The following PSG6 variants were observed in gnomAD, a reference collection of about 807,000 sequenced individuals.
PSG6 encodes pregnancy-specific beta-1-glycoprotein 6.
Under a neutral mutation model 43.3 loss-of-function variants are expected in PSG6, and 51 were observed. That is an observed-to-expected ratio of 1.18 (90% confidence interval 0.94 to 1.49). The LOEUF is 1.49. PSG6 is among the 40% of genes most tolerant of loss of function. PSG6 has a pLI of 0.00. For missense variants in PSG6, 770 were observed against 522.2 expected (o/e 1.47, Z -4.62); for synonymous variants, 292 against 197.6 (o/e 1.48, Z -4.01).
Position 42,907,064 on chromosome 19 carries a change from T to A in PSG6, c.1098A>T (p.Thr366=). 6.2e-7 allele frequency: 1 copy of A among 1,612,658 alleles called. No homozygotes were observed. The highest frequency in any genetic ancestry group is 8.5e-7 in the Non-Finnish European group (1 of 1,179,230). The stretch of plus-strand genomic sequence containing the variant: ...CTGATAGCTGAAACTTCCCATTAAT[T>A]GTCCAAGAATACTCTGCCGGTGGGT... ...DSNPPAEYSW[T]INGKFQLSGQ... The change falls in exon 5 of 6, where the codon ACA becomes ACT. Residue 366 remains threonine, a synonymous_variant. Coordinates refer to ENST00000187910, the MANE Select transcript of PSG6 (RefSeq NM_001031850.4).
intron 5 of PSG6, 160 bp downstream of exon 5, chr19:42,906,762 G>A (rs146973505): frequency 2.2e-5 from 35 of 1,579,598 alleles, no homozygotes; most frequent in Non-Finnish European, 2.8e-5. Flanking sequence ...GCAGAAGAGA[G>A]TCTGTAGAGA....
At chr19:42,912,220 C>G (rs147244293) in intron 2 of PSG6, among the ~76,000 whole-genome samples, 1 of 151,336 alleles carries the variant, frequency 6.6e-6, no homozygotes, top group Non-Finnish European at 1.5e-5. Context: ...TCTGGATTTC[C>G]GATGCTCAAT....
intron 2 of PSG6, among the ~76,000 whole-genome samples, chr19:42,913,793 C>T (rs995588724): frequency 2.2e-4 from 33 of 151,730 alleles, no homozygotes; most frequent in African/African-American, 6.3e-4. Flanking sequence ...AGTCATGTGG[C>T]CCCTACCTAG....
At chr19:42,910,952 G>A in intron 2 of PSG6, 94 bp from the exon 3 acceptor site, 1 of 1,522,276 alleles carries the variant, frequency 6.6e-7, no homozygotes, top group Non-Finnish European at 8.8e-7. Context: ...CAACCTCTCA[G>A]CCCACCCAAG....
At position 42,902,398 on chromosome 19, in the gene PSG6, T is replaced by C. The variant is rs770870275; in HGVS notation, c.*14A>G. 10 of 1,610,618 alleles carry C rather than the reference T, an allele frequency of 6.2e-6. 1 individual carries two copies. In the East Asian group the frequency reaches 1.8e-4, roughly 29 times the overall value. On this transcript the variant is annotated 3_prime_UTR_variant, in exon 6 of 6. Transcript: ENST00000187910. ...AACCTGTTCTTTTTCTCAGTGTCTCTATTGTGGCAGCCATTAATGAGACTC... is the reference window on the plus strand; with the variant it reads ...AACCTGTTCTTTTTCTCAGTGTCTCCATTGTGGCAGCCATTAATGAGACTC...
At chr19:42,916,052 T>A (rs1972319115) in intron 2 of PSG6, 73 bp downstream of exon 2, 4 of 1,589,816 alleles carry the variant, frequency 2.5e-6, no homozygotes, top group Non-Finnish European at 3.4e-6. Context: ...AGTCCAGGCC[T>A]GACAATTCTG....
chr19:42,917,750 A>C lies in PSG6; in HGVS notation c.43T>G (p.Trp15Gly). ...TCACCTGTGAGCAGGAGCCCCTTCC[A>C]GGTGATGTGCTGAGTGCAGGGAGGG... ...SAPPCTQHIT[W>G]KGLLLTASLL... The change falls in exon 1 of 6, where the codon TGG (tryptophan) becomes GGG (glycine). Residue 15 changes from tryptophan to glycine, a missense_variant. By Grantham distance (184) the Trp-to-Gly change is radical. Transcript: ENST00000187910. 6.2e-7 allele frequency: 1 copy of C among 1,610,022 alleles called. No individual in the cohort carries two copies. The highest frequency in any genetic ancestry group is 8.5e-7 in the Non-Finnish European group (1 of 1,177,816).
intron 2 of PSG6, among the ~76,000 whole-genome samples, chr19:42,914,697 T>C (rs1485833045): frequency 1.3e-5 from 2 of 151,638 alleles, no homozygotes; most frequent in African/African-American, 4.8e-5. Context: ...GATTCCAAGA[T>C]CCAGTCTCTA....
chr19:42,915,201 G>C (rs910973705), intron 2 of PSG6: 1 of 151,384 alleles, frequency 6.6e-6, no homozygotes, highest in Non-Finnish European at 1.5e-5. Flanking sequence ...GTGCCTTCCT[G>C]TGCCTCAGTT....
In PSG6 at chr19:42,911,076, A is replaced by G. The variant is rs532436938; in HGVS notation, c.428-218T>C. Among the ~76,000 whole-genome samples, 119 of 151,616 alleles carry G rather than the reference A, an allele frequency of 7.8e-4. 3 individuals carry two copies. The highest frequency in any genetic ancestry group is 1.7e-3 in the South Asian group (8 of 4,702). ...GTAGGAGAAGCATGGACTTTCTCAA[A>G]TGTGAATTGAGCAGCAGCATTGGGT... is the stretch of plus-strand genomic sequence containing the variant. On this transcript the variant is annotated intron_variant, in intron 2 of 5. Coordinates refer to ENST00000187910, the MANE Select transcript of PSG6 (RefSeq NM_001031850.4).
In PSG6 at chr19:42,910,700, T is replaced by C. The variant is rs1065511; in HGVS notation, c.586A>G (p.Lys196Glu). Reference protein sequence around the residue: ...LPMTHRLQLSKTNRTLYLFGV... With the variant: ...LPMTHRLQLSETNRTLYLFGV... ...AATAGATAGAGGGTCCTGTTGGTTTTGGACAGCTGCAACCTGTGAGTCATA... is the reference window on the plus strand; with the variant it reads ...AATAGATAGAGGGTCCTGTTGGTTTCGGACAGCTGCAACCTGTGAGTCATA... Residue 196 changes from lysine (K) to glutamate (E), a missense_variant, in exon 3 of 6, where the codon AAA (lysine) becomes GAA (glutamate). By Grantham distance (56) the Lys-to-Glu change is moderately conservative (BLOSUM62 1). Transcript: ENST00000187910. 5.0e-6 allele frequency: 8 copies of C among 1,612,384 alleles called. No individual in the cohort carries two copies. The highest frequency in any genetic ancestry group is 2.2e-5 in the South Asian group (2 of 90,608).
intron 2 of PSG6, among the ~76,000 whole-genome samples, chr19:42,911,201 G>A (rs945477154): frequency 4.6e-5 from 7 of 151,560 alleles, no homozygotes; most frequent in Admixed American, 1.3e-4. Flanking sequence ...CCTTACTTGG[G>A]GCATGCAGTG....
intron 2 of PSG6, among the ~76,000 whole-genome samples, chr19:42,914,438 C>T (rs1972284659): frequency 6.7e-6 from 1 of 148,446 alleles, no homozygotes; most frequent in Admixed American, 6.7e-5. Context: ...CACAGAGAAG[C>T]AGAGAGAGGC....
rs146374080 is a variant in PSG6 at position 42,908,290 on chromosome 19, G to C, written c.707-436C>G. 2.6e-4 allele frequency among the ~76,000 whole-genome samples: 40 copies of C among 151,826 alleles called. 2 individuals carry two copies. The East Asian group carries it at 4.3e-3, about 16-fold the overall frequency. On this transcript the variant is annotated intron_variant, in intron 3 of 5. Transcript: ENST00000187910. Reference sequence around the variant, plus strand: ...CCATTTCCAAGGACATTCTAGAGATGAGTAATAATGGGACTTCCCATTGTC... The same window carrying C: ...CCATTTCCAAGGACATTCTAGAGATCAGTAATAATGGGACTTCCCATTGTC...
At chr19:42,917,642 T>A in intron 1 of PSG6, 87 bp downstream of exon 1, 1 of 1,565,412 alleles carries the variant, frequency 6.4e-7, no homozygotes, top group Non-Finnish European at 8.7e-7. Flanking sequence ...GCTTCTTTTA[T>A]TTTTTAGAAC....
chr19:42,906,512 G>T (rs1412910286), intron 5 of PSG6: 4 of 1,253,046 alleles, frequency 3.2e-6, no homozygotes, highest in South Asian at 2.6e-5. Flanking sequence ...TGGGGGAAAA[G>T]TGTGAGCTTG....
At chr19:42,908,401 T>G (rs571126003) in intron 3 of PSG6, among the ~76,000 whole-genome samples, 14 of 151,772 alleles carry the variant, frequency 9.2e-5, no homozygotes, top group South Asian at 4.2e-4. Context: ...GTCAAGCCTG[T>G]AGGTCAGTTC....
In PSG6 at chr19:42,910,553, G is replaced by T. The variant is rs763650754; in HGVS notation, c.706+27C>A. The stretch of plus-strand genomic sequence containing the variant: ...CACTTGTATTTGGGATGGCAGCCTG[G>T]CTCACAGAGGAACAGAAGATACTCA... On this transcript the variant is annotated intron_variant, in intron 3 of 5. Transcript: ENST00000187910. 2.5e-6 allele frequency: 4 copies of T among 1,612,574 alleles called. 1 individual carries two copies. Among genetic ancestry groups the T allele is most frequent in the Non-Finnish European group, 8.5e-7 (1 of 1,179,276 alleles).
chr19:42,910,802 C>A lies in PSG6; in HGVS notation c.484G>T (p.Glu162Ter). Residue 162 changes from glutamate to a stop codon, truncating the protein, a stop_gained, in exon 3 of 6, where the codon GAG (glutamate) becomes TAG (stop). Transcript: ENST00000187910. LOFTEE classifies it high-confidence loss of function. Reference protein sequence around the residue: ...SSNLNPREVMEAVRLICDPET... With the variant: ...SSNLNPREVM ...GGATCACAGATTAAGCGCACAGCCTCCATGACCTCCCTGGGGTTTAAGTTG... is the reference window on the plus strand; with the variant it reads ...GGATCACAGATTAAGCGCACAGCCTACATGACCTCCCTGGGGTTTAAGTTG... 2 of 1,612,230 alleles carry A rather than the reference C, an allele frequency of 1.2e-6. No individual in the cohort carries two copies. Among genetic ancestry groups the A allele is most frequent in the Non-Finnish European group, 1.7e-6 (2 of 1,179,188 alleles).
Sources: gnomAD v4.1 joint callset for allele counts (sites outside exome capture counted in the v4.1 genomes callset) on GRCh38, gnomAD v4.1.1 for gene constraint, MANE v1.5 for transcripts, NCBI Gene and HGNC (gene_info 2026-07-23, HGNC 2026-07-21) for gene names.